HYDIN: variants seen among roughly 807,000 people sequenced by gnomAD.
HYDIN encodes HYDIN axonemal central pair apparatus protein, also known as axonemal central pair apparatus protein HYDIN.
Under a neutral mutation model 403.9 loss-of-function variants are expected in HYDIN, and 132 were observed. The observed-to-expected ratio is 0.33, with a 90% confidence interval of 0.28 to 0.38. The LOEUF (loss-of-function observed/expected upper bound fraction) is 0.38. Ranked by LOEUF, HYDIN falls within the 10% of genes least tolerant of loss-of-function variation. The probability of loss-of-function intolerance (pLI) is 1.00; values close to 1 mark genes in which losing one functional copy is unlikely to be tolerated. For missense variants in HYDIN, 2,827 were observed against 5,009.5 expected (o/e 0.56, Z 13.15); for synonymous variants, 1,202 against 1,891.7 (o/e 0.64, Z 9.46).
At chr16:71,203,214 C>G (rs2088112881) in intron 1 of HYDIN, among the ~76,000 whole-genome samples, 1 of 152,170 alleles carries the variant, frequency 6.6e-6, no homozygotes, top group Admixed American at 6.5e-5. Flanking sequence ...ACATTGAGAG[C>G]AGTTCCAAAC....
chr16:70,955,292 T>C (rs1232765073), intron 40 of HYDIN, 83 bp downstream of exon 40: 1 of 843,592 alleles, frequency 1.2e-6, no homozygotes, highest in African/African-American at 1.7e-5. Flanking sequence ...GGAGGAGAGC[T>C]CAGTGGGGCA....
At chr16:70,921,585 G>T (rs973860558) in intron 45 of HYDIN, among the ~76,000 whole-genome samples, 1 of 152,168 alleles carries the variant, frequency 6.6e-6, no homozygotes, top group Non-Finnish European at 1.5e-5. Context: ...AGGCCACAGC[G>T]TGTAGTGGTC....
chr16:70,810,672 A>AT (rs1241893285), intron 84 of HYDIN, among the ~76,000 whole-genome samples: 1 of 152,168 alleles, frequency 6.6e-6, no homozygotes, highest in Non-Finnish European at 1.5e-5. Context: ...TCTAAAAAAA[A>AT]CAGAAAAATT....
At chr16:71,174,599 C>T (rs1177716309) in intron 5 of HYDIN, among the ~76,000 whole-genome samples, 1 of 152,198 alleles carries the variant, frequency 6.6e-6, no homozygotes, top group Non-Finnish European at 1.5e-5. Flanking sequence ...AGAACAAAAC[C>T]TGACCAACAA....
chr16:71,229,458 G>C (rs1317736268), intron 1 of HYDIN, among the ~76,000 whole-genome samples: 1 of 152,068 alleles, frequency 6.6e-6, no homozygotes, highest in African/African-American at 2.4e-5. Flanking sequence ...ACCTGTATGG[G>C]AATATTTATA....
chr16:71,034,167 A>T (rs1004255280), intron 18 of HYDIN, among the ~76,000 whole-genome samples: 1 of 152,160 alleles, frequency 6.6e-6, no homozygotes, highest in African/African-American at 2.4e-5. Context: ...AACAAATGCA[A>T]ATTTTACTAT....
intron 15 of HYDIN, chr16:71,066,569 C>T (rs1051854968): frequency 9.5e-6 from 2 of 210,954 alleles, no homozygotes; most frequent in African/African-American, 4.6e-5. Flanking sequence ...AGTCCCAGAT[C>T]TGGACACTGA....
At chr16:70,961,638 C>T (rs951056150) in intron 38 of HYDIN, among the ~76,000 whole-genome samples, 1 of 152,134 alleles carries the variant, frequency 6.6e-6, no homozygotes, top group Non-Finnish European at 1.5e-5. Context: ...GAATGTCCCC[C>T]ATCCCCATAA....
chr16:70,846,448 A>T (rs1597108663), intron 75 of HYDIN, among the ~76,000 whole-genome samples: 1 of 150,124 alleles, frequency 6.7e-6, no homozygotes, highest in Non-Finnish European at 1.5e-5. Context: ...TGCTGAGGAG[A>T]GCTTTACTTC....
At chr16:71,169,920 T>C (rs944407353) in intron 5 of HYDIN, among the ~76,000 whole-genome samples, 1 of 152,212 alleles carries the variant, frequency 6.6e-6, no homozygotes, top group African/African-American at 2.4e-5. Context: ...TAAAACCTCA[T>C]GTTGAACACC....
chr16:70,826,488 T>G (rs2036596474), intron 83 of HYDIN, among the ~76,000 whole-genome samples: 1 of 152,166 alleles, frequency 6.6e-6, no homozygotes, highest in Non-Finnish European at 1.5e-5. Context: ...TCTGTTTGCT[T>G]TAATAACTCT....
intron 8 of HYDIN, among the ~76,000 whole-genome samples, chr16:71,135,561 A>T (rs1202913097): frequency 6.8e-6 from 1 of 146,770 alleles, no homozygotes; most frequent in Admixed American, 6.9e-5. Context: ...TTATGCCCAC[A>T]GGACAAGAAT....
At chr16:71,154,382 C>A (rs2085670367) in intron 6 of HYDIN, among the ~76,000 whole-genome samples, 1 of 129,366 alleles carries the variant, frequency 7.7e-6, no homozygotes, top group Non-Finnish European at 1.6e-5. Context: ...CATATCCATC[C>A]CCTCAAGCAT....
In HYDIN at chr16:70,981,669, C is replaced by G. The variant is rs914448933; in HGVS notation, c.4333-101G>C. ...CAACAACAACAATGACAAAGTAAAC[C>G]TAAAAAAAGAAGGAAAGGAGTAAGA... On this transcript the variant is annotated intron_variant, in intron 28 of 85. Transcript: ENST00000393567. 6.3e-6 allele frequency: 9 copies of G among 1,417,690 alleles called. No individual in the cohort carries two copies. In the African/African-American group the frequency reaches 1.1e-4, roughly 18 times the overall value. 87.8% of individuals were successfully genotyped at this position (1,417,690 alleles called of 1,614,324 possible). A position where few individuals can be genotyped will look rare whatever the true frequency, so the allele number is the denominator to read the frequency against.
chr16:71,032,148 T>C (rs1246546922), intron 18 of HYDIN, among the ~76,000 whole-genome samples: 3 of 152,110 alleles, frequency 2.0e-5, no homozygotes, highest in Non-Finnish European at 4.4e-5. Flanking sequence ...TCTGTGAAGA[T>C]TCTTTACATC....
chr16:70,956,076 T>G (rs932057529), intron 39 of HYDIN, among the ~76,000 whole-genome samples: 1 of 152,188 alleles, frequency 6.6e-6, no homozygotes, highest in Non-Finnish European at 1.5e-5. Context: ...TGCCTTGGCC[T>G]CCCAAAGTGC....
intron 1 of HYDIN, 104 bp downstream of exon 1, chr16:71,230,458 C>T (rs1172682376): frequency 2.2e-6 from 3 of 1,350,116 alleles, no homozygotes; most frequent in Admixed American, 2.7e-5. Flanking sequence ...GTCTGGAGAA[C>T]GCCTGGGACG....
chr16:71,186,972 G>C, intron 1 of HYDIN, 54 bp from the exon 2 acceptor site: 3 of 1,269,492 alleles, frequency 2.4e-6, no homozygotes, highest in African/African-American at 1.5e-5. Flanking sequence ...CCTGAATACA[G>C]GTCATAATTT....
At chr16:71,030,107 G>A (rs2144152430) in intron 19 of HYDIN, among the ~76,000 whole-genome samples, 1 of 152,306 alleles carries the variant, frequency 6.6e-6, no homozygotes, top group South Asian at 2.1e-4. Flanking sequence ...TGGAGTTGCA[G>A]TGGTGTGATC....
Sources: allele counts gnomAD v4.1 joint callset (sites outside exome capture counted in the v4.1 genomes callset), GRCh38; gene constraint gnomAD v4.1.1; transcripts MANE v1.5; gene names NCBI Gene and HGNC (gene_info 2026-07-23, HGNC 2026-07-21).